Variants in HIBADH observed in about 807,000 individuals in gnomAD.
HIBADH encodes 3-hydroxyisobutyrate dehydrogenase.
A neutral mutation model predicts 36.1 loss-of-function variants in HIBADH; 25 were observed. The observed-to-expected ratio is 0.69, with a 90% CI of 0.50 to 0.97. The LOEUF is 0.97. HIBADH is among the 50% of genes least tolerant of loss of function. HIBADH has a pLI of 0.00. For missense variants in HIBADH, 421 were observed against 418.0 expected (o/e 1.01, Z -0.06); for synonymous variants, 160 against 149.5 (o/e 1.07, Z -0.51).
At position 27,538,327 on chromosome 7, in the gene HIBADH, A is replaced by G. The variant is rs749610419; in HGVS notation, c.695+14T>C. On this transcript the variant is annotated intron_variant, in intron 6 of 7. Coordinates refer to ENST00000265395, the MANE Select transcript of HIBADH (RefSeq NM_152740.4). ...TATAAAAATGTTAGTATAAAAACGTACTATTCAACAAACCTGATTCCAAGA... is the reference window on the plus strand; with the variant it reads ...TATAAAAATGTTAGTATAAAAACGTGCTATTCAACAAACCTGATTCCAAGA... 1 of 1,592,892 alleles carries G rather than the reference A, an allele frequency of 6.3e-7. No homozygotes were observed. The highest frequency in any genetic ancestry group is 1.1e-5 in the South Asian group (1 of 90,522).
intron 4 of HIBADH, among the ~76,000 whole-genome samples, chr7:27,600,181 T>C (rs1785105366): frequency 6.6e-6 from 1 of 152,202 alleles, no homozygotes; most frequent in Non-Finnish European, 1.5e-5. Context: ...TCACTTAGCA[T>C]ACTTCCTAGA....
At chr7:27,659,303 T>G (rs1326902671) in intron 1 of HIBADH, among the ~76,000 whole-genome samples, 1 of 152,232 alleles carries the variant, frequency 6.6e-6, no homozygotes, top group Non-Finnish European at 1.5e-5. Flanking sequence ...AGTCTGAAAC[T>G]AAACTTAATT....
intron 4 of HIBADH, among the ~76,000 whole-genome samples, chr7:27,614,244 G>C (rs1411114255): frequency 3.9e-5 from 6 of 152,082 alleles, no homozygotes; most frequent in African/African-American, 1.4e-4. Flanking sequence ...CCACTAAATT[G>C]ATCATAATCA....
At chr7:27,652,629 G>GT (rs1276453597) in intron 1 of HIBADH, among the ~76,000 whole-genome samples, 2 of 152,194 alleles carry the variant, frequency 1.3e-5, no homozygotes, top group African/African-American at 4.8e-5. Context: ...CAACATGAAG[G>GT]TGACAGCAGA....
At chr7:27,592,569 G>A (rs901814878) in intron 4 of HIBADH, among the ~76,000 whole-genome samples, 8 of 152,006 alleles carry the variant, frequency 5.3e-5, no homozygotes, top group African/African-American at 1.9e-4. Flanking sequence ...GAATGTTATA[G>A]GCTGACTTCT....
rs114138184 is a variant in HIBADH, at chr7:27,579,395, A to G, written c.485-36295T>C. ...ATAGCAGAGCACTGATACCACACAT[A>G]AAGAGAATCTCTATACACCCATTAT... On this transcript the variant is annotated intron_variant, in intron 4 of 7. Coordinates refer to ENST00000265395, the MANE Select transcript of HIBADH (RefSeq NM_152740.4). Among the ~76,000 whole-genome samples, 1,357 of 152,308 alleles carry G rather than the reference A, an allele frequency of 8.9e-3. 18 individuals are homozygous for G. The highest frequency in any genetic ancestry group is 0.031 in the African/African-American group (1,289 of 41,546).
intron 4 of HIBADH, among the ~76,000 whole-genome samples, chr7:27,556,583 CTATT>C (rs1347400619): frequency 6.6e-6 from 1 of 152,072 alleles, no homozygotes; most frequent in Non-Finnish European, 1.5e-5. Flanking sequence ...AATCCATCTG[CTATT>C]TATTTTCAGT....
chr7:27,662,819 T>C lies in HIBADH; in HGVS notation c.-31A>G. 2 of 1,444,864 alleles carry C rather than the reference T, an allele frequency of 1.4e-6. No homozygotes were observed. Among genetic ancestry groups the C allele is most frequent in the Non-Finnish European group, 1.8e-6 (2 of 1,090,048 alleles). 89.5% of individuals were successfully genotyped at this position (1,444,864 alleles called of 1,614,324 possible). A position where few individuals can be genotyped will look rare whatever the true frequency, so the allele number is the denominator to read the frequency against. ...GCCCGCCCCTCTCCCCGCGGTGACC[T>C]CCGCCGCCTCCCGGAGGGCCCACAG... On this transcript the variant is annotated 5_prime_UTR_variant, in exon 1 of 8. Transcript: ENST00000265395.
chr7:27,610,650 C>T (rs1785307610), intron 4 of HIBADH, among the ~76,000 whole-genome samples: 1 of 152,148 alleles, frequency 6.6e-6, no homozygotes, highest in African/African-American at 2.4e-5. Context: ...TCCCCCTCCA[C>T]ACATTATAAA....
rs368811012 is a variant in HIBADH at position 27,617,134 on chromosome 7, G to A, written c.484+12237C>T. On this transcript the variant is annotated intron_variant, in intron 4 of 7. Transcript: ENST00000265395. ...GACTCACAAGCTCCATTTATGGTAA[G>A]TGGCCCTATACAGGTGTGCCATTTT... is the stretch of plus-strand genomic sequence containing the variant. 7.2e-5 allele frequency among the ~76,000 whole-genome samples: 11 copies of A among 152,236 alleles called. No individual in the cohort carries two copies. The South Asian group carries it at 1.7e-3, about 23-fold the overall frequency.
intron 1 of HIBADH, among the ~76,000 whole-genome samples, chr7:27,655,836 T>C (rs1019527521): frequency 3.9e-5 from 6 of 152,170 alleles, no homozygotes; most frequent in Non-Finnish European, 7.4e-5. Flanking sequence ...TTTTCACCTG[T>C]TGGATAAGTT....
chr7:27,620,906 GATTAA>G (rs1785530389), intron 4 of HIBADH, among the ~76,000 whole-genome samples: 1 of 151,176 alleles, frequency 6.6e-6, no homozygotes, highest in Non-Finnish European at 1.5e-5. Flanking sequence ...TAACTAAACA[GATTAA>G]ATTATCCTCT....
intron 4 of HIBADH, among the ~76,000 whole-genome samples, chr7:27,577,740 G>C (rs1319492289): frequency 6.6e-6 from 1 of 152,138 alleles, no homozygotes; most frequent in African/African-American, 2.4e-5. Flanking sequence ...TAGTGGCAAT[G>C]CTGTAGCATC....
At chr7:27,613,150 T>C (rs1437718141) in intron 4 of HIBADH, among the ~76,000 whole-genome samples, 3 of 8,732 alleles carry the variant, frequency 3.4e-4, no homozygotes, top group Non-Finnish European at 5.1e-4. Context: ...AAATATATTT[T>C]ATATAAATAT....
chr7:27,585,873 A>G (rs967497359), intron 4 of HIBADH, among the ~76,000 whole-genome samples: 1 of 152,166 alleles, frequency 6.6e-6, no homozygotes, highest in Non-Finnish European at 1.5e-5. Context: ...AGAAAATGTT[A>G]TAAGATGGCA....
intron 4 of HIBADH, among the ~76,000 whole-genome samples, chr7:27,616,413 G>A (rs1412236645): frequency 6.6e-6 from 1 of 152,142 alleles, no homozygotes; most frequent in Non-Finnish European, 1.5e-5. Flanking sequence ...TGAATGTGAA[G>A]GCTTAGGAAA....
intron 6 of HIBADH, among the ~76,000 whole-genome samples, chr7:27,533,385 G>T (rs1784029225): frequency 6.6e-6 from 1 of 152,114 alleles, no homozygotes. Context: ...TCAGGTGGCA[G>T]TTGTTTCATT....
At chr7:27,585,126 G>T (rs1399128336) in intron 4 of HIBADH, among the ~76,000 whole-genome samples, 3 of 151,710 alleles carry the variant, frequency 2.0e-5, no homozygotes, top group Non-Finnish European at 4.4e-5. Flanking sequence ...TAAATATAGA[G>T]CTTTTATACA....
At chr7:27,566,857 A>G (rs1227989721) in intron 4 of HIBADH, among the ~76,000 whole-genome samples, 3 of 152,134 alleles carry the variant, frequency 2.0e-5, no homozygotes, top group Non-Finnish European at 4.4e-5. Flanking sequence ...CTCCATATAT[A>G]TGTTACTGGT....
Sources: gnomAD v4.1 joint callset for allele counts (sites outside exome capture counted in the v4.1 genomes callset) on GRCh38, gnomAD v4.1.1 for gene constraint, MANE v1.5 for transcripts, NCBI Gene and HGNC (gene_info 2026-07-23, HGNC 2026-07-21) for gene names.